ZC3H12B: variants seen among roughly 807,000 people sequenced by gnomAD.
ZC3H12B encodes zinc finger CCCH-type containing 12B.
In ZC3H12B, 7 loss-of-function variants were observed where a neutral mutation model predicts 43.9. That is an observed-to-expected ratio of 0.16 (90% confidence interval 0.09 to 0.30). The LOEUF is 0.30. ZC3H12B is among the 10% of genes least tolerant of loss of function. The pLI, the probability that ZC3H12B is intolerant of heterozygous loss-of-function variation, is 1.00. For synonymous variants in ZC3H12B, 222 were observed against 241.7 expected (o/e 0.92, Z 0.76); for missense variants, 475 against 670.2 (o/e 0.71, Z 3.22).
chrX:65,155,217 C>G, the ZC3H12B span, among the ~76,000 whole-genome samples: 1 of 110,578 alleles, frequency 9.0e-6, no homozygotes, highest in Non-Finnish European at 1.9e-5. Flanking sequence ...CTTGGCCTCC[C>G]AAAATGCTAG....
chrX:65,102,320 G>A, the ZC3H12B span, among the ~76,000 whole-genome samples: 33 of 111,562 alleles, frequency 3.0e-4, no homozygotes, highest in Non-Finnish European at 4.3e-4. Context: ...TTTGAAAACC[G>A]GCACAAGACA....
the ZC3H12B span, among the ~76,000 whole-genome samples, chrX:65,254,967 C>A: frequency 3.6e-5 from 4 of 110,784 alleles, no homozygotes; most frequent in Admixed American, 1.9e-4. Flanking sequence ...AGAATCTCAG[C>A]TTGAAGAAAA....
the ZC3H12B span, among the ~76,000 whole-genome samples, chrX:65,244,062 T>C: frequency 9.0e-6 from 1 of 111,271 alleles, no homozygotes; most frequent in East Asian, 2.8e-4. Flanking sequence ...AATAGCACAA[T>C]AGCATGACTA....
intron 3 of ZC3H12B, among the ~76,000 whole-genome samples, chrX:65,466,335 T>C (rs931369517): frequency 1.2e-4 from 13 of 110,932 alleles, no homozygotes; most frequent in Non-Finnish European, 1.3e-4. Context: ...AGAATGATTT[T>C]TTCTTTTATA....
the ZC3H12B span, among the ~76,000 whole-genome samples, chrX:65,222,602 AAATAATAATAATAATAATAATAAT>A: frequency 1.6e-4 from 15 of 91,144 alleles, no homozygotes; most frequent in African/African-American, 5.8e-4. Context: ...AATAGCTGCA[AAATAATAATAATAATAATAATAAT>A]AATAATAATA....
At chrX:65,195,156 A>G in the ZC3H12B span, among the ~76,000 whole-genome samples, 1 of 106,317 alleles carries the variant, frequency 9.4e-6, no homozygotes, top group African/African-American at 3.4e-5. Flanking sequence ...ATCAAGTTCC[A>G]TTTGATGTTA....
the ZC3H12B span, among the ~76,000 whole-genome samples, chrX:65,254,317 G>T: frequency 1.8e-5 from 2 of 112,449 alleles, no homozygotes; most frequent in Non-Finnish European, 3.8e-5. Context: ...CACTGTTGTG[G>T]CCAGTGGTCT....
the ZC3H12B span, among the ~76,000 whole-genome samples, chrX:65,070,736 T>C: frequency 9.1e-6 from 1 of 110,087 alleles, no homozygotes; most frequent in African/African-American, 3.3e-5. Context: ...TATATAATTG[T>C]ATGATTTTGA....
At chrX:65,099,761 C>A in the ZC3H12B span, among the ~76,000 whole-genome samples, 2 of 111,421 alleles carry the variant, frequency 1.8e-5, no homozygotes, top group Non-Finnish European at 3.8e-5. Flanking sequence ...GTAGATAAAT[C>A]CATGAAGATG....
the ZC3H12B span, among the ~76,000 whole-genome samples, chrX:65,081,779 G>A: frequency 9.0e-6 from 1 of 111,576 alleles, no homozygotes; most frequent in African/African-American, 3.3e-5. Context: ...TAGACCAAAT[G>A]GATCTAATAG....
the ZC3H12B span, among the ~76,000 whole-genome samples, chrX:65,194,324 G>A: frequency 9.2e-6 from 1 of 108,253 alleles, no homozygotes; most frequent in African/African-American, 3.4e-5. Flanking sequence ...CAGCACTCCA[G>A]CATGGCACAT....
the ZC3H12B span, among the ~76,000 whole-genome samples, chrX:65,352,165 A>G: frequency 8.9e-6 from 1 of 112,141 alleles, no homozygotes; most frequent in Non-Finnish European, 1.9e-5. Flanking sequence ...ATGTTTTTGC[A>G]GGGACATGGA....
At chrX:65,255,663 T>C in the ZC3H12B span, among the ~76,000 whole-genome samples, 1 of 111,921 alleles carries the variant, frequency 8.9e-6, no homozygotes, top group Non-Finnish European at 1.9e-5. Context: ...AGCAACATGA[T>C]AGAATCACAC....
chrX:65,432,660 G>A (rs1406348484), intron 3 of ZC3H12B, among the ~76,000 whole-genome samples: 1 of 111,807 alleles, frequency 8.9e-6, no homozygotes, highest in Non-Finnish European at 1.9e-5. Context: ...ATCCAGATGA[G>A]CCCCCTAGAC....
the ZC3H12B span, among the ~76,000 whole-genome samples, chrX:65,038,260 G>A: frequency 9.0e-6 from 1 of 110,605 alleles, no homozygotes; most frequent in African/African-American, 3.3e-5. Flanking sequence ...CTTTTTTTTG[G>A]TATCTTTTGC....
At chrX:65,376,639 G>A (rs1026583180) in intron 2 of ZC3H12B, among the ~76,000 whole-genome samples, 1 of 111,869 alleles carries the variant, frequency 8.9e-6, no homozygotes, top group African/African-American at 3.2e-5. Flanking sequence ...TTAATACATA[G>A]AATTCTTCCA....
chrX:65,317,402 T>A, the ZC3H12B span, among the ~76,000 whole-genome samples: 3 of 110,798 alleles, frequency 2.7e-5, no homozygotes, highest in Non-Finnish European at 5.7e-5. Context: ...TTCCATAGGT[T>A]TTGGGGAAAC....
At chrX:65,072,330 A>G in the ZC3H12B span, among the ~76,000 whole-genome samples, 61 of 111,932 alleles carry the variant, frequency 5.4e-4, no homozygotes, top group African/African-American at 1.5e-3. Flanking sequence ...TTTACTGGCT[A>G]TTTTGCCTAT....
At chrX:65,225,640 A>G in the ZC3H12B span, among the ~76,000 whole-genome samples, 1 of 112,044 alleles carries the variant, frequency 8.9e-6, no homozygotes, top group Non-Finnish European at 1.9e-5. Flanking sequence ...AAATTTAGAC[A>G]AATGTATAAC....
Sources: gnomAD v4.1 joint callset for allele counts (sites outside exome capture counted in the v4.1 genomes callset) on GRCh38, gnomAD v4.1.1 for gene constraint, MANE v1.5 for transcripts, NCBI Gene and HGNC (gene_info 2026-07-23, HGNC 2026-07-21) for gene names.